Variants in TPO observed in about 807,000 individuals in gnomAD.
TPO encodes the protein thyroid microsomal antigen.
Under a neutral mutation model 96.9 loss-of-function variants are expected in TPO, and 78 were observed. The ratio of observed to expected loss-of-function variants is 0.81; its 90% CI spans 0.67 to 0.97. The LOEUF (loss-of-function observed/expected upper bound fraction) is 0.97, where lower values mean the gene tolerates loss of function less well. Ranked by LOEUF, TPO falls within the 50% of genes least tolerant of loss-of-function variation. The pLI is 0.00. For synonymous variants in TPO, 547 were observed against 538.0 expected (o/e 1.02, Z -0.23); for missense variants, 1,252 against 1,274.8 (o/e 0.98, Z 0.27).
chr2:1,401,437 T>C (rs1315741529), intron 1 of TPO, among the ~76,000 whole-genome samples: 1 of 152,108 alleles, frequency 6.6e-6, no homozygotes, highest in Non-Finnish European at 1.5e-5. Flanking sequence ...AGTTCTCTTT[T>C]TCTGTTTACA....
intron 5 of TPO, among the ~76,000 whole-genome samples, chr2:1,451,987 C>T (rs1324152325): frequency 6.6e-6 from 1 of 152,012 alleles, no homozygotes; most frequent in Non-Finnish European, 1.5e-5. Flanking sequence ...GATATGTATG[C>T]TCATGTTATA....
At chr2:1,429,799 T>A (rs1664797558) in intron 3 of TPO, among the ~76,000 whole-genome samples, 1 of 152,182 alleles carries the variant, frequency 6.6e-6, no homozygotes, top group East Asian at 1.9e-4. Flanking sequence ...CAGAAGAAAT[T>A]TCTATGCAGC....
chr2:1,487,472 C>T (rs1041709337), intron 9 of TPO, among the ~76,000 whole-genome samples: 1 of 152,198 alleles, frequency 6.6e-6, no homozygotes, highest in Non-Finnish European at 1.5e-5. Context: ...CGGTGGCTCA[C>T]GCCTGTAATC....
chr2:1,542,482 G>A lies in TPO; in HGVS notation c.*8G>A, dbSNP rs775276968. On this transcript the variant is annotated 3_prime_UTR_variant, in exon 17 of 17. Coordinates refer to ENST00000329066, the MANE Select transcript of TPO (RefSeq NM_001206744.2). ...CTGCCGAGAGCCCTCTGAGGGCAAA[G>A]TGGCAGGACACTGCAGAACAGCTTC... 6.2e-7 allele frequency: 1 copy of A among 1,614,170 alleles called. No homozygotes were observed. The highest frequency in any genetic ancestry group is 8.5e-7 in the Non-Finnish European group (1 of 1,180,030).
In TPO at chr2:1,534,976, T is replaced by C. The variant is rs1298467633; in HGVS notation, c.2619-5618T>C. Among the ~76,000 whole-genome samples, 2 of 125,354 alleles carry C rather than the reference T, an allele frequency of 1.6e-5. 1 individual carries two copies. The highest frequency in any genetic ancestry group is 3.1e-5 in the Non-Finnish European group (2 of 63,624). 82.2% of individuals were successfully genotyped at this position (125,354 alleles called of 152,430 possible). On this transcript the variant is annotated intron_variant, in intron 15 of 16. Coordinates refer to ENST00000329066, the MANE Select transcript of TPO (RefSeq NM_001206744.2). ...CGCCACTGTGAGCAACCTCCTCAAA[T>C]CCCCCCAGTGTGTGCAATTTCCCTA...
chr2:1,411,952 C>T (rs769925546), upstream of TPO, among the ~76,000 whole-genome samples: 14 of 152,314 alleles, frequency 9.2e-5, no homozygotes, highest in Admixed American at 3.9e-4. Context: ...GTCCCCTAGA[C>T]GCTGGTGCTC....
At chr2:1,385,529 T>A (rs1437648940) in intron 1 of TPO, among the ~76,000 whole-genome samples, 1 of 152,212 alleles carries the variant, frequency 6.6e-6, no homozygotes, top group Non-Finnish European at 1.5e-5. Context: ...GATGGTCGTT[T>A]GTATTTCTGT....
upstream of TPO, among the ~76,000 whole-genome samples, chr2:1,409,225 G>A (rs1662291562): frequency 6.6e-6 from 1 of 152,178 alleles, no homozygotes; most frequent in Non-Finnish European, 1.5e-5. Flanking sequence ...CAGAAAAACT[G>A]GAGCCATTAA....
chr2:1,381,960 C>T (rs1021994669), intron 1 of TPO, among the ~76,000 whole-genome samples: 5 of 152,112 alleles, frequency 3.3e-5, no homozygotes, highest in East Asian at 3.9e-4. Context: ...CACACATAAA[C>T]GCAGCTGTAA....
intron 15 of TPO, among the ~76,000 whole-genome samples, chr2:1,523,560 A>ACCACTCTGTGCAACCTCCCCAAATCCCCC (rs1675689339): frequency 5.5e-5 from 1 of 18,348 alleles, no homozygotes; most frequent in Non-Finnish European, 9.8e-5. Context: ...CCAAATCCCC[A>ACCACTCTGTGCAACCTCCCCAAATCCCCC]CCACTCTGTG....
chr2:1,453,885 A>G, intron 6 of TPO, 62 bp downstream of exon 6: 1 of 1,611,230 alleles, frequency 6.2e-7, no homozygotes, highest in Non-Finnish European at 8.5e-7. Flanking sequence ...TGAGGGAGGG[A>G]AATAGCCTTT....
In TPO at chr2:1,516,892, G is replaced by T; in HGVS notation, c.2528G>T (p.Arg843Met). 1 of 1,613,976 alleles carries T rather than the reference G, an allele frequency of 6.2e-7. No individual in the cohort carries two copies. Among genetic ancestry groups the T allele is most frequent in the Non-Finnish European group, 8.5e-7 (1 of 1,180,038 alleles). The change falls in exon 15 of 17, where the codon AGG (arginine) becomes ATG (methionine). Residue 843 changes from arginine (R) to methionine (M), a missense_variant. Coordinates refer to ENST00000329066, the MANE Select transcript of TPO (RefSeq NM_001206744.2). Reference protein sequence around the residue: ...DDGRTCVDSGRLPRVTWISMS... With the variant: ...DDGRTCVDSGMLPRVTWISMS... ...TCTTTCTGTGCCCCAGACTCCGGGA[G>T]GCTCCCTCGGGTGACTTGGATCTCC...
At chr2:1,540,771 G>GACAGGATCTGGGTGTC in intron 16 of TPO, 48 bp downstream of exon 16, 1 of 1,613,130 alleles carries the variant, frequency 6.2e-7, no homozygotes. Flanking sequence ...GCAGTGGTTG[G>GACAGGATCTGGGTGTC]ACAGGATCTG....
chr2:1,444,108 CTCCTTCTTGTTTG>C, intron 5 of TPO, among the ~76,000 whole-genome samples: 1 of 141,114 alleles, frequency 7.1e-6, no homozygotes, highest in East Asian at 2.3e-4. Context: ...ATGGGGCAGG[CTCCTTCTTGTTTG>C]TATGATCCAG....
intron 1 of TPO, among the ~76,000 whole-genome samples, chr2:1,375,033 A>T (rs890696036): frequency 2.0e-5 from 3 of 152,036 alleles, no homozygotes; most frequent in Non-Finnish European, 4.4e-5. Flanking sequence ...CCGACCATAG[A>T]TATACCTTTT....
At chr2:1,419,989 C>T (rs779596033) in intron 2 of TPO, among the ~76,000 whole-genome samples, 2 of 152,132 alleles carry the variant, frequency 1.3e-5, no homozygotes, top group Non-Finnish European at 2.9e-5. Flanking sequence ...AAGTAGTTAA[C>T]CTAAACAATG....
chr2:1,524,215 ACCCCACTGTGTGCAACCTCCTCAAATCC>A (rs1261406482), intron 15 of TPO, among the ~76,000 whole-genome samples: 44 of 37,624 alleles, frequency 1.2e-3, no homozygotes, highest in African/African-American at 4.6e-3. Context: ...CCTCAAATCC[ACCCCACTGTGTGCAACCTCCTCAAATCC>A]CCCCACTGTG....
At chr2:1,414,766 A>C (rs1011904558) in intron 2 of TPO, among the ~76,000 whole-genome samples, 4 of 152,182 alleles carry the variant, frequency 2.6e-5, no homozygotes, top group Admixed American at 6.5e-5. Context: ...CTGAAAAAAA[A>C]ATTCTTTGGG....
intron 15 of TPO, among the ~76,000 whole-genome samples, chr2:1,531,379 GCAACCTCCCAAAATTGCCCCCACTGTGTT>G (rs1678194443): frequency 8.5e-5 from 5 of 58,878 alleles, no homozygotes; most frequent in African/African-American, 2.6e-4. Flanking sequence ...CCGACTCTGT[GCAACCTCCCAAAATTGCCCCCACTGTGTT>G]CAACCTCCCC....
Sources: allele counts gnomAD v4.1 joint callset (sites outside exome capture counted in the v4.1 genomes callset), GRCh38; gene constraint gnomAD v4.1.1; transcripts MANE v1.5; gene names NCBI Gene and HGNC (gene_info 2026-07-23, HGNC 2026-07-21).